Variants in MAN1A2 observed in about 807,000 individuals in gnomAD.
MAN1A2 encodes mannosidase alpha class 1A member 2.
A neutral mutation model predicts 75.7 loss-of-function variants in MAN1A2; 26 were observed. That is an observed-to-expected ratio of 0.34 (90% CI 0.25 to 0.48). The LOEUF (loss-of-function observed/expected upper bound fraction) is 0.48. MAN1A2 is among the 20% of genes least tolerant of loss of function. The pLI, the probability that MAN1A2 is intolerant of heterozygous loss-of-function variation, is 0.99. For missense variants in MAN1A2, 562 were observed against 775.5 expected (o/e 0.72, Z 3.27); for synonymous variants, 247 against 264.6 (o/e 0.93, Z 0.65).
At chr1:117,515,156 A>G (rs1413399302) in intron 12 of MAN1A2, 2 of 172,312 alleles carry the variant, frequency 1.2e-5, no homozygotes, top group Non-Finnish European at 2.5e-5. Context: ...GGATTCAACC[A>G]AACATGGATT....
intron 1 of MAN1A2, among the ~76,000 whole-genome samples, chr1:117,390,202 A>C (rs1051142567): frequency 1.3e-5 from 2 of 152,134 alleles, no homozygotes; most frequent in African/African-American, 4.8e-5. Context: ...GTTTCCATAG[A>C]ACTGGTATTG....
At position 117,439,963 on chromosome 1, in the gene MAN1A2, A is replaced by G. The variant is rs374233340; in HGVS notation, c.856-2268A>G. On this transcript the variant is annotated intron_variant, in intron 5 of 12. Transcript: ENST00000356554. ...TTATACTGATTGAGACAACAAATTC[A>G]CTTCTGGAATTTATCTTAGATAGCC... is the stretch of plus-strand genomic sequence containing the variant. Among the ~76,000 whole-genome samples, 22 of 152,270 alleles carry G rather than the reference A, an allele frequency of 1.4e-4. No homozygotes were observed. In the South Asian group the frequency reaches 2.7e-3, roughly 19 times the overall value.
intron 4 of MAN1A2, among the ~76,000 whole-genome samples, chr1:117,418,306 A>T (rs538903085): frequency 6.6e-6 from 1 of 152,212 alleles, no homozygotes; most frequent in African/African-American, 2.4e-5. Flanking sequence ...TATATATAGT[A>T]CATCAGAGGG....
intron 4 of MAN1A2, among the ~76,000 whole-genome samples, chr1:117,415,538 T>A (rs994397795): frequency 6.6e-6 from 1 of 152,206 alleles, no homozygotes; most frequent in African/African-American, 2.4e-5. Flanking sequence ...TGGTTTACTT[T>A]CCTTTATATT....
chr1:117,451,839 C>A (rs1649427984), intron 6 of MAN1A2, among the ~76,000 whole-genome samples: 1 of 152,076 alleles, frequency 6.6e-6, no homozygotes, highest in South Asian at 2.1e-4. Flanking sequence ...TGAAAATGGA[C>A]TAATGCAGCA....
At chr1:117,501,446 A>G (rs1651198520) in intron 11 of MAN1A2, among the ~76,000 whole-genome samples, 1 of 151,818 alleles carries the variant, frequency 6.6e-6, no homozygotes, top group Admixed American at 6.6e-5. Flanking sequence ...GAGGCAGAAT[A>G]GCAGTATAGC....
intron 8 of MAN1A2, among the ~76,000 whole-genome samples, chr1:117,492,291 A>G (rs1570788788): frequency 6.6e-6 from 1 of 152,048 alleles, no homozygotes; most frequent in Non-Finnish European, 1.5e-5. Context: ...TTCAGCAGCC[A>G]CCACCCTGAT....
chr1:117,509,964 CT>C (rs1041747868), intron 12 of MAN1A2, among the ~76,000 whole-genome samples: 1 of 151,390 alleles, frequency 6.6e-6, no homozygotes, highest in African/African-American at 2.4e-5. Context: ...ATCCTTTAGC[CT>C]TTTTTCTCCA....
chr1:117,463,143 T>C (rs1649875717), intron 7 of MAN1A2, among the ~76,000 whole-genome samples: 1 of 150,900 alleles, frequency 6.6e-6, no homozygotes, highest in Non-Finnish European at 1.5e-5. Context: ...ATATCAATTA[T>C]ATTAATAAAA....
At chr1:117,412,216 T>G (rs1364347280) in intron 3 of MAN1A2, among the ~76,000 whole-genome samples, 1 of 151,766 alleles carries the variant, frequency 6.6e-6, no homozygotes, top group Non-Finnish European at 1.5e-5. Context: ...TTCGGTCTGT[T>G]TAGATTTTCT....
chr1:117,394,265 G>T (rs1653836324), intron 1 of MAN1A2, among the ~76,000 whole-genome samples: 1 of 152,020 alleles, frequency 6.6e-6, no homozygotes, highest in Admixed American at 6.6e-5. Context: ...TGTATTTTCA[G>T]TAGAGACGGG....
rs571074598 is a variant in MAN1A2, at chr1:117,512,916, A to G, written c.1794-9909A>G. On this transcript the variant is annotated intron_variant, in intron 12 of 12. Transcript: ENST00000356554. ...TAGAGGGAGCTACAACCCAAATTTTACTAATGTAGCAATACACAATAAGGC... is the reference window on the plus strand; with the variant it reads ...TAGAGGGAGCTACAACCCAAATTTTGCTAATGTAGCAATACACAATAAGGC... Among the ~76,000 whole-genome samples the G allele has an allele frequency of 3.9e-5, 6 of 152,238 alleles. No homozygotes were observed. In the South Asian group the frequency reaches 1.2e-3, roughly 32 times the overall value.
At chr1:117,390,882 C>G (rs1653693726) in intron 1 of MAN1A2, among the ~76,000 whole-genome samples, 1 of 152,004 alleles carries the variant, frequency 6.6e-6, no homozygotes. Context: ...AGGGCACTTT[C>G]AAATTTCACT....
intron 1 of MAN1A2, among the ~76,000 whole-genome samples, chr1:117,391,479 GACGTTT>G (rs2101740144): frequency 6.6e-6 from 1 of 152,268 alleles, no homozygotes; most frequent in South Asian, 2.1e-4. Flanking sequence ...TTAGGTGTGT[GACGTTT>G]ATCATTGTTA....
rs912579352 is a variant in MAN1A2, at chr1:117,368,052, G to A, written c.-132G>A. On this transcript the variant is annotated 5_prime_UTR_variant, in exon 1 of 13. Transcript: ENST00000356554. ...CGTGAATGACGTGCCCTCTTAAAAA[G>A]CACAACAGTCCTTTAAGAGGAGCAA... is the stretch of plus-strand genomic sequence containing the variant. The A allele has an allele frequency of 9.6e-6, 8 of 836,802 alleles. No individual in the cohort carries two copies. Among genetic ancestry groups the A allele is most frequent in the Non-Finnish European group, 1.3e-5 (7 of 536,728 alleles). The allele number at this position is 836,802 out of a possible 1,614,324, so 51.8% of individuals were successfully genotyped here.
At chr1:117,445,898 ATG>A (rs1649219827) in intron 6 of MAN1A2, among the ~76,000 whole-genome samples, 4 of 144,274 alleles carry the variant, frequency 2.8e-5, no homozygotes, top group South Asian at 2.2e-4. Flanking sequence ...ATATATATAT[ATG>A]TATATATGTA....
chr1:117,499,296 T>A (rs1651129721), intron 10 of MAN1A2, 86 bp from the exon 11 acceptor site: 3 of 955,260 alleles, frequency 3.1e-6, no homozygotes, highest in Non-Finnish European at 4.4e-6. Flanking sequence ...TTACTTCATA[T>A]TCTGTTCTTT....
chr1:117,416,053 T>G (rs1013939788), intron 4 of MAN1A2, among the ~76,000 whole-genome samples: 1 of 152,156 alleles, frequency 6.6e-6, no homozygotes, highest in African/African-American at 2.4e-5. Context: ...GAATATATTT[T>G]CTTATATTTT....
At chr1:117,460,785 A>G (rs1012488328) in intron 7 of MAN1A2, among the ~76,000 whole-genome samples, 173 bp downstream of exon 7, 4 of 152,218 alleles carry the variant, frequency 2.6e-5, no homozygotes, top group Non-Finnish European at 2.9e-5. Flanking sequence ...TATTTAGAAC[A>G]TATTTAAAAT....
Sources: gnomAD v4.1 joint callset for allele counts (sites outside exome capture counted in the v4.1 genomes callset) on GRCh38, gnomAD v4.1.1 for gene constraint, MANE v1.5 for transcripts, NCBI Gene and HGNC (gene_info 2026-07-23, HGNC 2026-07-21) for gene names.